Variants in CAPZB observed in about 807,000 individuals in gnomAD.
CAPZB encodes the protein F-actin-capping protein subunit beta.
CAPZB carries 2 observed loss-of-function variants against 38.1 expected under a neutral mutation model. The observed-to-expected ratio is 0.05, with a 90% CI of 0.02 to 0.17. The LOEUF (loss-of-function observed/expected upper bound fraction) is 0.17, where lower values mean the gene tolerates loss of function less well. CAPZB is among the 10% of genes least tolerant of loss of function. CAPZB has a pLI of 1.00. For synonymous variants in CAPZB, 107 were observed against 127.4 expected (o/e 0.84, Z 1.08); for missense variants, 161 against 334.2 (o/e 0.48, Z 4.04).
chr1:19,353,208 T>C (rs2094001409), intron 6 of CAPZB, among the ~76,000 whole-genome samples: 1 of 152,190 alleles, frequency 6.6e-6, no homozygotes, highest in African/African-American at 2.4e-5. Context: ...CTCTTGGGGC[T>C]AGGGCCTGGC....
In CAPZB at chr1:19,455,544, G is replaced by A. The variant is rs536271419; in HGVS notation, c.3+29892C>T. Among the ~76,000 whole-genome samples the A allele has an allele frequency of 6.6e-5, 10 of 152,232 alleles. No individual in the cohort carries two copies. The South Asian group carries it at 1.5e-3, about 22-fold the overall frequency. ...CACACGCTAGTGGTTTCCAACAAGCGGGATGCCCACAGCAAGTGCCCTCCA... is the reference window on the plus strand; with the variant it reads ...CACACGCTAGTGGTTTCCAACAAGCAGGATGCCCACAGCAAGTGCCCTCCA... On this transcript the variant is annotated intron_variant, in intron 1 of 8. Transcript: ENST00000264202.
intron 2 of CAPZB, among the ~76,000 whole-genome samples, chr1:19,394,723 A>G (rs1314088216): frequency 6.6e-6 from 1 of 152,254 alleles, no homozygotes; most frequent in African/African-American, 2.4e-5. Flanking sequence ...CTCAAAATAC[A>G]AAACAAAACA....
intron 3 of CAPZB, among the ~76,000 whole-genome samples, chr1:19,385,158 G>T (rs900311576): frequency 6.6e-6 from 1 of 152,114 alleles, no homozygotes; most frequent in Middle Eastern, 3.4e-3. Flanking sequence ...ACTGCCCTCC[G>T]CAGGACTGAA....
intron 1 of CAPZB, chr1:19,449,278 A>G (rs2094506690): frequency 9.4e-7 from 1 of 1,059,182 alleles, no homozygotes; most frequent in Non-Finnish European, 1.1e-6. Flanking sequence ...GATGACAGCC[A>G]GAAGAGGAAA....
intron 3 of CAPZB, among the ~76,000 whole-genome samples, chr1:19,380,429 G>A (rs919783629): frequency 1.3e-5 from 2 of 152,214 alleles, no homozygotes; most frequent in South Asian, 2.1e-4. Context: ...CTGGGCCATC[G>A]CACACCATGG....
At chr1:19,365,263 G>A (rs926473327) in intron 4 of CAPZB, among the ~76,000 whole-genome samples, 1 of 152,196 alleles carries the variant, frequency 6.6e-6, no homozygotes, top group African/African-American at 2.4e-5. Context: ...CACTCTCGTA[G>A]ACATGGCTTC....
intron 1 of CAPZB, among the ~76,000 whole-genome samples, chr1:19,478,386 T>C (rs1366427487): frequency 1.3e-5 from 2 of 152,234 alleles, no homozygotes; most frequent in Non-Finnish European, 2.9e-5. Context: ...GTCTACACTT[T>C]CCACACATAA....
chr1:19,426,039 G>A (rs963828888), intron 1 of CAPZB, among the ~76,000 whole-genome samples: 1 of 152,222 alleles, frequency 6.6e-6, no homozygotes, highest in Non-Finnish European at 1.5e-5. Context: ...AGGTGCAGCA[G>A]GCTAAGGAGA....
chr1:19,350,508 G>GC (rs2093985923), intron 6 of CAPZB, among the ~76,000 whole-genome samples: 1 of 152,240 alleles, frequency 6.6e-6, no homozygotes, highest in African/African-American at 2.4e-5. Context: ...TGGTCAGACG[G>GC]CTTCCCAGGG....
rs869073352 is a variant in CAPZB at position 19,431,741 on chromosome 1, TAAAAAATA to T, written c.4-11999_4-11992del. Among the ~76,000 whole-genome samples, 117 of 106,820 alleles carry T rather than the reference TAAAAAATA, an allele frequency of 1.1e-3. 1 individual carries two copies. Among genetic ancestry groups the T allele is most frequent in the African/African-American group, 3.4e-3 (100 of 29,526 alleles). 70.1% of individuals were successfully genotyped at this position (106,820 alleles called of 152,430 possible). A position where few individuals can be genotyped will look rare whatever the true frequency, so the allele number is the denominator to read the frequency against. The stretch of plus-strand genomic sequence containing the variant: ...GTCTCAAAAAATAAAAAATAAAAAA[TAAAAAATA>T]AAAAAAAAGAATACAGTTGATTTTA... On this transcript the variant is annotated intron_variant, in intron 1 of 8. Coordinates refer to ENST00000264202, the MANE Select transcript of CAPZB (RefSeq NM_004930.5).
At chr1:19,393,873 G>A (rs1197605359) in intron 2 of CAPZB, among the ~76,000 whole-genome samples, 4 of 152,232 alleles carry the variant, frequency 2.6e-5, no homozygotes, top group African/African-American at 9.6e-5. Context: ...GGGGCTCAGT[G>A]CCTACTGCCC....
chr1:19,480,021 C>T (rs973878337), intron 1 of CAPZB, among the ~76,000 whole-genome samples: 1 of 152,202 alleles, frequency 6.6e-6, no homozygotes, highest in African/African-American at 2.4e-5. Context: ...CCCAAGCCGA[C>T]TGCAGGCTGG....
intron 1 of CAPZB, among the ~76,000 whole-genome samples, chr1:19,482,112 G>C (rs541161677): frequency 6.6e-6 from 1 of 152,280 alleles, no homozygotes; most frequent in Admixed American, 6.5e-5. Flanking sequence ...ATTTCCCTGT[G>C]GTCAGTCATG....
At chr1:19,379,167 T>C (rs2094160481) in intron 3 of CAPZB, among the ~76,000 whole-genome samples, 1 of 151,614 alleles carries the variant, frequency 6.6e-6, no homozygotes, top group Admixed American at 6.6e-5. Context: ...GGCGTGATCT[T>C]GGCTCACCAC....
At chr1:19,464,947 C>T (rs12120180) in intron 1 of CAPZB, among the ~76,000 whole-genome samples, 40,677 of 151,986 alleles carry the variant, frequency 0.27, 5,443 homozygotes, top group East Asian at 0.38. Flanking sequence ...GGTGAGGAAA[C>T]TGTTCTATAA....
At chr1:19,462,202 T>C (rs2094553992) in intron 1 of CAPZB, among the ~76,000 whole-genome samples, 2 of 151,210 alleles carry the variant, frequency 1.3e-5, no homozygotes, top group Admixed American at 6.6e-5. Context: ...CCTGTAATAC[T>C]AGCACTTTGG....
chr1:19,365,749 G>A (rs553322391), intron 4 of CAPZB, among the ~76,000 whole-genome samples: 27 of 152,062 alleles, frequency 1.8e-4, no homozygotes, highest in Middle Eastern at 3.4e-3. Context: ...CAGGAGAATC[G>A]CTTGAACCCG....
At chr1:19,346,452 T>TAA (rs200968507) in intron 6 of CAPZB, among the ~76,000 whole-genome samples, 984 of 73,134 alleles carry the variant, frequency 0.013, 27 homozygotes, top group African/African-American at 0.032. Context: ...TGAGAGAAGC[T>TAA]AAAAAAAAAA....
intron 1 of CAPZB, among the ~76,000 whole-genome samples, chr1:19,449,676 T>A (rs1316152066): frequency 6.6e-6 from 1 of 151,478 alleles, no homozygotes; most frequent in African/African-American, 2.4e-5. Flanking sequence ...TCCCATCTAC[T>A]TGAGAGGCTG....
Sources: allele counts gnomAD v4.1 joint callset (sites outside exome capture counted in the v4.1 genomes callset), GRCh38; gene constraint gnomAD v4.1.1; transcripts MANE v1.5; gene names NCBI Gene and HGNC (gene_info 2026-07-23, HGNC 2026-07-21).